ETV6: variants seen among roughly 807,000 people sequenced by gnomAD.
ETV6 encodes the protein ETS variant transcription factor 6, also known as transcription factor ETV6.
A neutral mutation model predicts 51.1 loss-of-function variants in ETV6; 16 were observed. That is an observed-to-expected ratio of 0.31 (90% CI 0.21 to 0.48). ETV6 has a LOEUF of 0.48. ETV6 is among the 20% of genes least tolerant of loss of function. The probability of loss-of-function intolerance (pLI) is 0.99; values close to 1 mark genes in which losing one functional copy is unlikely to be tolerated. For synonymous variants in ETV6, 240 were observed against 224.1 expected (o/e 1.07, Z -0.64); for missense variants, 458 against 594.8 (o/e 0.77, Z 2.39).
intron 1 of ETV6, among the ~76,000 whole-genome samples, chr12:11,743,767 G>A (rs938549780): frequency 3.9e-5 from 6 of 152,152 alleles, no homozygotes; most frequent in Non-Finnish European, 7.4e-5. Context: ...GTTGCAGCTC[G>A]CTGGGGTTGT....
Position 11,869,359 on chromosome 12 carries a change from C to A in ETV6, c.464-65C>A, listed in dbSNP as rs1055764726. On this transcript the variant is annotated intron_variant, in intron 4 of 7. Transcript: ENST00000396373. This position sits in a 1 kb window ranked among gnomAD's most constrained non-coding sequence, Gnocchi z 5.0. ...CTCCTCCATTTACCGCCTGTAGAGCCGCAGGGAGTTTCCTGTCCTGCCAAC... is the reference window on the plus strand; with the variant it reads ...CTCCTCCATTTACCGCCTGTAGAGCAGCAGGGAGTTTCCTGTCCTGCCAAC... The A allele has an allele frequency of 1.8e-5, 26 of 1,458,390 alleles. No homozygotes were observed. In the East Asian group the frequency reaches 5.9e-4, roughly 33 times the overall value. 90.3% of individuals were successfully genotyped at this position (1,458,390 alleles called of 1,614,324 possible).
chr12:11,804,537 T>G (rs2855745), intron 2 of ETV6, among the ~76,000 whole-genome samples: 91,614 of 152,050 alleles, frequency 0.6, 27,541 homozygotes, highest in African/African-American at 0.63. Flanking sequence ...GCTGCCCTTC[T>G]GCCTATGAAG....
chr12:11,723,757 C>G (rs1472585814), intron 1 of ETV6, among the ~76,000 whole-genome samples: 1 of 152,200 alleles, frequency 6.6e-6, no homozygotes, highest in Non-Finnish European at 1.5e-5. Context: ...TTTTCCCCAA[C>G]TGCAGGGGCC....
chr12:11,803,442 A>G (rs1270733053), intron 2 of ETV6, among the ~76,000 whole-genome samples: 1 of 152,154 alleles, frequency 6.6e-6, no homozygotes. Context: ...TGCTTATTGG[A>G]TTTGAGTTGC....
chr12:11,872,851 G>A (rs988848673), intron 5 of ETV6, among the ~76,000 whole-genome samples: 9 of 151,918 alleles, frequency 5.9e-5, no homozygotes, highest in African/African-American at 1.7e-4. Flanking sequence ...TGATGGATGC[G>A]GCCTCATCGG....
At chr12:11,749,013 T>C (rs1186827189) in intron 1 of ETV6, among the ~76,000 whole-genome samples, 1 of 152,140 alleles carries the variant, frequency 6.6e-6, no homozygotes, top group Non-Finnish European at 1.5e-5. Context: ...TGCTCATAGG[T>C]ATTACAATTG....
intron 2 of ETV6, among the ~76,000 whole-genome samples, chr12:11,836,861 C>T (rs1459847520): frequency 6.6e-6 from 1 of 152,216 alleles, no homozygotes; most frequent in African/African-American, 2.4e-5. Context: ...ATCTTCTGCT[C>T]ACTGGACCTC....
At chr12:11,705,113 T>C (rs1432922286) in intron 1 of ETV6, among the ~76,000 whole-genome samples, 1 of 152,222 alleles carries the variant, frequency 6.6e-6, no homozygotes, top group Non-Finnish European at 1.5e-5. Flanking sequence ...AGACTTAATG[T>C]ACAACGCAAA....
intron 5 of ETV6, among the ~76,000 whole-genome samples, chr12:11,873,228 C>G (rs557355710): frequency 1.8e-4 from 27 of 152,196 alleles, no homozygotes; most frequent in Non-Finnish European, 3.2e-4. Context: ...TTCCTTCCAG[C>G]TCTGCCAGTC....
At chr12:11,674,730 A>G (rs1864384424) in intron 1 of ETV6, among the ~76,000 whole-genome samples, 2 of 151,232 alleles carry the variant, frequency 1.3e-5, no homozygotes, top group South Asian at 2.1e-4. Context: ...GCTGTTTTCC[A>G]GGAAAGCATG....
rs778292164 is a variant in ETV6, at chr12:11,869,886, G to A, written c.926G>A (p.Arg309Gln). 16 of 1,612,602 alleles carry A rather than the reference G, an allele frequency of 9.9e-6. No homozygotes were observed. In the East Asian group the frequency reaches 1.3e-4, roughly 13 times the overall value. Residue 309 changes from arginine to glutamine, a missense_variant, in exon 5 of 8, where the codon CGG becomes CAG. By Grantham distance (43) the Arg-to-Gln change is conservative. Transcript: ENST00000396373. The surrounding 1 kb of genome is among the most constrained non-coding windows in gnomAD (Gnocchi z 5.0). ...REGKPINLSH[R>Q]EDLAYMNHIM... Reference sequence around the variant, plus strand: ...GGGAAGCCCATCAACCTCTCTCATCGGGAAGACCTGGCTTACATGAACCAC... The same window carrying A: ...GGGAAGCCCATCAACCTCTCTCATCAGGAAGACCTGGCTTACATGAACCAC...
intron 1 of ETV6, among the ~76,000 whole-genome samples, chr12:11,688,579 G>A (rs1365134762): frequency 1.3e-5 from 2 of 152,228 alleles, no homozygotes; most frequent in African/African-American, 4.8e-5. Flanking sequence ...CCTGCATCCT[G>A]CTGTGTAACC....
chr12:11,685,588 C>T (rs1191040464), intron 1 of ETV6, among the ~76,000 whole-genome samples: 1 of 151,922 alleles, frequency 6.6e-6, no homozygotes, highest in Non-Finnish European at 1.5e-5. Flanking sequence ...TGTACAAAAA[C>T]CAGCAATACA....
At chr12:11,868,483 GC>G (rs1457443533) in intron 4 of ETV6, among the ~76,000 whole-genome samples, 1 of 146,456 alleles carries the variant, frequency 6.8e-6, no homozygotes, top group African/African-American at 2.5e-5. Context: ...TGTCACCCAG[GC>G]TGGAGTGCAA....
chr12:11,736,968 G>A (rs1865712197), intron 1 of ETV6, among the ~76,000 whole-genome samples: 1 of 152,222 alleles, frequency 6.6e-6, no homozygotes, highest in South Asian at 2.1e-4. Context: ...GGATATGGCA[G>A]TGAACAAGGC....
At chr12:11,870,051 C>A in intron 5 of ETV6, 82 bp downstream of exon 5, 4 of 1,472,094 alleles carry the variant, frequency 2.7e-6, no homozygotes, top group Non-Finnish European at 3.6e-6. Flanking sequence ...TTGCAGCCAG[C>A]CTCGCACCAT....
At chr12:11,846,581 C>T (rs901777813) in intron 3 of ETV6, among the ~76,000 whole-genome samples, 8 of 151,710 alleles carry the variant, frequency 5.3e-5, no homozygotes, top group Non-Finnish European at 8.8e-5. Flanking sequence ...AGCAAATAGC[C>T]GAAGGAAACC....
At position 11,894,465 on chromosome 12, in the gene ETV6, A is replaced by G. The variant is rs1565574096; in HGVS notation, c.*3419A>G. On this transcript the variant is annotated 3_prime_UTR_variant, in exon 8 of 8. Coordinates refer to ENST00000396373, the MANE Select transcript of ETV6 (RefSeq NM_001987.5). ...TGGTTTTGCTTAAGGTGGCATCACC[A>G]ATGTTCCAAATCCTTTAGGGAGATG... The G allele has an allele frequency of 4.3e-6, 1 of 233,146 alleles. No homozygotes were observed. Among genetic ancestry groups the G allele is most frequent in the Non-Finnish European group, 8.5e-6 (1 of 118,034 alleles). The allele number at this position is 233,146 out of a possible 1,614,324, so 14.4% of individuals were successfully genotyped here.
chr12:11,678,516 T>G (rs1864464179), intron 1 of ETV6, among the ~76,000 whole-genome samples: 1 of 152,260 alleles, frequency 6.6e-6, no homozygotes, highest in South Asian at 2.1e-4. Context: ...AATGTGTTTC[T>G]CCTTTTCTTG....
Sources: allele counts gnomAD v4.1 joint callset (sites outside exome capture counted in the v4.1 genomes callset), GRCh38; gene constraint gnomAD v4.1.1; non-coding constraint Gnocchi (gnomAD v3.1); transcripts MANE v1.5; gene names NCBI Gene and HGNC (gene_info 2026-07-23, HGNC 2026-07-21).